IFT74: variants seen among roughly 807,000 people sequenced by gnomAD.
IFT74 encodes the protein intraflagellar transport protein 74 homolog.
In IFT74, 92 loss-of-function variants were observed where a neutral mutation model predicts 96.7. That is an observed-to-expected ratio of 0.95 (90% CI 0.80 to 1.13). The LOEUF (loss-of-function observed/expected upper bound fraction) is 1.13. Ranked by LOEUF, IFT74 falls within the 50% of genes most tolerant of loss-of-function variation. The pLI is 0.00. For missense variants in IFT74, 811 were observed against 698.2 expected (o/e 1.16, Z -1.82); for synonymous variants, 223 against 213.2 (o/e 1.05, Z -0.40).
At chr9:26,977,367 G>A (rs1827173867) in intron 2 of IFT74, among the ~76,000 whole-genome samples, 1 of 152,132 alleles carries the variant, frequency 6.6e-6, no homozygotes. Context: ...GATAGCTGAG[G>A]CAGAAGGATC....
At chr9:27,038,557 G>A (rs906267624) in intron 13 of IFT74, among the ~76,000 whole-genome samples, 10 of 152,194 alleles carry the variant, frequency 6.6e-5, no homozygotes, top group African/African-American at 2.4e-4. Flanking sequence ...GATTACAGGC[G>A]TGAGCCCACC....
rs1169228943 is a variant in IFT74 at position 27,062,667 on chromosome 9, T to G, written c.1734T>G (p.Asn578Lys). 1 of 1,610,314 alleles carries G rather than the reference T, an allele frequency of 6.2e-7. No homozygotes were observed. Among genetic ancestry groups the G allele is most frequent in the South Asian group, 1.1e-5 (1 of 90,370 alleles). The change falls in exon 20 of 20, where the codon AAT becomes AAG. Residue 578 changes from asparagine to lysine, a missense_variant. Asn to Lys is a moderately conservative substitution (Grantham distance 94). Coordinates refer to ENST00000380062, the MANE Select transcript of IFT74 (RefSeq NM_025103.4). Reference sequence around the variant, plus strand: ...GTGATTACCAGCCAATTAAGAAAAATGTGACCAAGCAGATTGCAGAGTACA... The same window carrying G: ...GTGATTACCAGCCAATTAAGAAAAAGGTGACCAAGCAGATTGCAGAGTACA... Reference protein sequence around the residue: ...QESDYQPIKKNVTKQIAEYNK... With the variant: ...QESDYQPIKKKVTKQIAEYNK...
intron 1 of IFT74, among the ~76,000 whole-genome samples, chr9:26,951,110 T>G (rs1367865172): frequency 6.6e-6 from 1 of 152,240 alleles, no homozygotes; most frequent in African/African-American, 2.4e-5. Flanking sequence ...ATGCATGGAA[T>G]AGTTGGGTAG....
At chr9:27,014,814 G>A (rs562742785) in intron 10 of IFT74, among the ~76,000 whole-genome samples, 1 of 152,240 alleles carries the variant, frequency 6.6e-6, no homozygotes, top group South Asian at 2.1e-4. Context: ...TCACTGTGTT[G>A]GCCAGGCTGG....
Position 27,055,720 on chromosome 9 carries a change from A to G in IFT74, c.1445A>G (p.Glu482Gly), listed in dbSNP as rs899040450. ...SKIKQMTTDL[E>G]IYNDLPALKS... ...ATTAAGCAAATGACAACTGATCTGG[A>G]GATATATAATGATTTGCCAGCTTTA... Residue 482 changes from glutamate to glycine, a missense_variant, in exon 17 of 20, where the codon GAG becomes GGG. Glu to Gly is a moderately conservative substitution (Grantham distance 98). Transcript: ENST00000380062. 8 of 1,583,132 alleles carry G rather than the reference A, an allele frequency of 5.1e-6. No individual in the cohort carries two copies. Among genetic ancestry groups the G allele is most frequent in the African/African-American group, 2.7e-5 (2 of 73,054 alleles).
intron 1 of IFT74, chr9:26,947,286 C>T: frequency 1.9e-6 from 1 of 520,558 alleles, no homozygotes; most frequent in Non-Finnish European, 3.3e-6. Flanking sequence ...CCCTCCATGA[C>T]GCAGAGTGTG....
At chr9:26,953,243 C>G (rs1317650706), upstream of IFT74, among the ~76,000 whole-genome samples, 6 of 152,138 alleles carry the variant, frequency 3.9e-5, no homozygotes, top group African/African-American at 1.4e-4. Context: ...TATACTAGCT[C>G]TGGGGTTCCT....
intron 1 of IFT74, among the ~76,000 whole-genome samples, chr9:26,959,382 T>C (rs1826257363): frequency 6.6e-6 from 1 of 152,212 alleles, no homozygotes; most frequent in Non-Finnish European, 1.5e-5. Flanking sequence ...GTGCTGGGAT[T>C]GCAGGCATGA....
rs186023438 is a variant in IFT74, at chr9:26,993,030, A to G, written c.587+2835A>G. The G allele has an allele frequency of 2.6e-5, 4 of 152,384 alleles. No homozygotes were observed. In the East Asian group the frequency reaches 7.7e-4, roughly 29 times the overall value. The allele number at this position is 152,384 out of a possible 1,614,324, so 9.4% of individuals were successfully genotyped here. ...ACACCTGGCATTAATTCAGTTTCAC[A>G]GTCTTGCTTGAACTAATGATTCTCT... On this transcript the variant is annotated intron_variant, in intron 8 of 19. Coordinates refer to ENST00000380062, the MANE Select transcript of IFT74 (RefSeq NM_025103.4).
chr9:26,974,073 C>G (rs1247878591), intron 2 of IFT74, among the ~76,000 whole-genome samples: 1 of 152,146 alleles, frequency 6.6e-6, no homozygotes, highest in Admixed American at 6.6e-5. Flanking sequence ...TTTAGAGGGC[C>G]TAGGAAATGA....
intron 12 of IFT74, among the ~76,000 whole-genome samples, chr9:27,019,618 T>TATA (rs1007279141): frequency 6.6e-6 from 1 of 151,722 alleles, no homozygotes; most frequent in African/African-American, 2.4e-5. Flanking sequence ...AGTATTTTAT[T>TATA]AATTTTTATT....
At chr9:27,052,186 A>G (rs1819951159) in intron 16 of IFT74, among the ~76,000 whole-genome samples, 1 of 152,188 alleles carries the variant, frequency 6.6e-6, no homozygotes, top group African/African-American at 2.4e-5. Context: ...TCCGTACTTT[A>G]TACTTTGTGT....
intron 12 of IFT74, among the ~76,000 whole-genome samples, chr9:27,025,117 C>T (rs1380481191): frequency 6.6e-6 from 1 of 152,030 alleles, no homozygotes; most frequent in Non-Finnish European, 1.5e-5. Context: ...AGGAAAACTT[C>T]CCTGGCCTTG....
intron 1 of IFT74, among the ~76,000 whole-genome samples, chr9:26,950,819 G>T (rs958491307): frequency 1.1e-4 from 16 of 152,176 alleles, no homozygotes; most frequent in African/African-American, 3.9e-4. Flanking sequence ...GATGTTATTG[G>T]TTACCTTAAT....
intron 8 of IFT74, chr9:26,999,818 C>G (rs1247920916): frequency 1.3e-5 from 8 of 593,730 alleles, no homozygotes; most frequent in Non-Finnish European, 2.1e-5. Context: ...CACTCTGTCA[C>G]ACAGACCTGG....
chr9:27,008,990 A>G (rs759932153), intron 8 of IFT74, 30 bp from the exon 9 acceptor site: 4 of 1,573,918 alleles, frequency 2.5e-6, no homozygotes, highest in African/African-American at 2.7e-5. Context: ...TCAATATAGT[A>G]TCAGGAATAT....
chr9:26,972,745 A>G (rs1401985207), intron 2 of IFT74, among the ~76,000 whole-genome samples: 3 of 152,154 alleles, frequency 2.0e-5, no homozygotes, highest in Non-Finnish European at 4.4e-5. Flanking sequence ...TAAGGACACA[A>G]TTCACTCAAT....
chr9:27,026,097 T>A (rs1421102965), intron 12 of IFT74, among the ~76,000 whole-genome samples: 2 of 152,218 alleles, frequency 1.3e-5, no homozygotes, highest in Non-Finnish European at 2.9e-5. Context: ...GTGACTCACC[T>A]AATGCATAAG....
rs138139190 is a variant in IFT74, at chr9:27,017,035, G to A, written c.918G>A (p.Glu306=). Residue 306 remains glutamate, a synonymous_variant, in exon 11 of 20, where the codon GAG becomes GAA. Coordinates refer to ENST00000380062, the MANE Select transcript of IFT74 (RefSeq NM_025103.4). The part of the protein sequence containing the change: ...KSIGSPMEER[E]KLLKQIKDDN... ...TAGGATCTCCAATGGAAGAGAGAGA[G>A]AAATTACTTAAGCAGGTGGGCAAAA... 9.4e-4 allele frequency: 1,508 copies of A among 1,603,758 alleles called. 1 individual carries two copies. Among genetic ancestry groups the A allele is most frequent in the Non-Finnish European group, 1.2e-3 (1,434 of 1,176,420 alleles).
Sources: gnomAD v4.1 joint callset for allele counts (sites outside exome capture counted in the v4.1 genomes callset) on GRCh38, gnomAD v4.1.1 for gene constraint, MANE v1.5 for transcripts, NCBI Gene and HGNC (gene_info 2026-07-23, HGNC 2026-07-21) for gene names.